Variants in ATAD1 observed in about 807,000 individuals in gnomAD.
The protein encoded by ATAD1 is ATPase family AAA domain containing 1.
A neutral mutation model predicts 42.7 loss-of-function variants in ATAD1; 18 were observed. That is an observed-to-expected ratio of 0.42 (90% CI 0.29 to 0.63). The LOEUF is 0.63. Ranked by LOEUF, ATAD1 falls within the 20% of genes least tolerant of loss-of-function variation. The pLI, the probability that ATAD1 is intolerant of heterozygous loss-of-function variation, is 0.19. For missense variants in ATAD1, 294 were observed against 440.4 expected (o/e 0.67, Z 2.98); for synonymous variants, 132 against 143.1 (o/e 0.92, Z 0.55).
chr10:87,780,508 A>AT (rs1398484040), intron 5 of ATAD1, among the ~76,000 whole-genome samples: 5 of 152,170 alleles, frequency 3.3e-5, no homozygotes, highest in Non-Finnish European at 7.3e-5. Flanking sequence ...GAGAAACTAT[A>AT]TATCTGGGGG....
chr10:87,795,204 A>C (rs1564764940), intron 2 of ATAD1, among the ~76,000 whole-genome samples: 1 of 152,156 alleles, frequency 6.6e-6, no homozygotes, highest in Non-Finnish European at 1.5e-5. Flanking sequence ...CTGAAACACT[A>C]ATACTCTTCA....
intron 1 of ATAD1, chr10:87,817,935 C>CCTAAGGG (rs1246146132): frequency 3.0e-6 from 3 of 985,470 alleles, no homozygotes; most frequent in Non-Finnish European, 3.6e-6. Flanking sequence ...CTAAGCAGAC[C>CCTAAGGG]CTAAGGGCCC....
intron 1 of ATAD1, among the ~76,000 whole-genome samples, chr10:87,836,940 C>T (rs1423594887): frequency 1.3e-5 from 2 of 152,174 alleles, no homozygotes; most frequent in Non-Finnish European, 2.9e-5. Flanking sequence ...ACTGTTTCCT[C>T]TCTCATCTCC....
rs1237440005 is a variant in ATAD1 at position 87,784,466 on chromosome 10, A to G, written c.583+4T>C. On this transcript the variant is annotated splice_donor_region_variant and intron_variant, in intron 5 of 9. Transcript: ENST00000680024. ...AAAATACTCATATAGAAAACATAGCATACCTATTTCATCTATAAAGATGAT... is the reference window on the plus strand; with the variant it reads ...AAAATACTCATATAGAAAACATAGCGTACCTATTTCATCTATAAAGATGAT... 1.9e-6 allele frequency: 3 copies of G among 1,612,164 alleles called. No homozygotes were observed. Among genetic ancestry groups the G allele is most frequent in the Non-Finnish European group, 2.5e-6 (3 of 1,178,974 alleles).
At chr10:87,778,186 A>G (rs1460491622) in intron 5 of ATAD1, among the ~76,000 whole-genome samples, 1 of 150,078 alleles carries the variant, frequency 6.7e-6, no homozygotes, top group East Asian at 1.9e-4. Flanking sequence ...ATTAAAAAAA[A>G]AAAAAAAAAA....
intron 2 of ATAD1, among the ~76,000 whole-genome samples, chr10:87,809,583 T>C (rs1857083660): frequency 6.6e-6 from 1 of 152,012 alleles, no homozygotes; most frequent in Middle Eastern, 3.4e-3. Flanking sequence ...AAACACGTTG[T>C]TTGTTGTTCA....
intron 8 of ATAD1, among the ~76,000 whole-genome samples, chr10:87,765,580 CAA>C (rs1171233931): frequency 6.6e-6 from 1 of 151,944 alleles, no homozygotes; most frequent in Non-Finnish European, 1.5e-5. Context: ...CTCCATAATA[CAA>C]AGAGTTCCTA....
upstream of ATAD1, among the ~76,000 whole-genome samples, chr10:87,820,124 A>G (rs957959433): frequency 6.6e-6 from 1 of 152,132 alleles, no homozygotes; most frequent in African/African-American, 2.4e-5. Context: ...CAAAAAACAG[A>G]GGCTATCAGT....
At chr10:87,798,257 C>T (rs1856494684) in intron 2 of ATAD1, among the ~76,000 whole-genome samples, 1 of 152,154 alleles carries the variant, frequency 6.6e-6, no homozygotes, top group Non-Finnish European at 1.5e-5. Flanking sequence ...AACCCTAGGC[C>T]ACAGCTCAGT....
At chr10:87,773,478 A>T (rs1272337897) in intron 6 of ATAD1, among the ~76,000 whole-genome samples, 3 of 152,236 alleles carry the variant, frequency 2.0e-5, no homozygotes, top group Non-Finnish European at 4.4e-5. Flanking sequence ...TAACTGGTTC[A>T]TATGAAAGTA....
chr10:87,812,464 T>A (rs1857229081), intron 2 of ATAD1, among the ~76,000 whole-genome samples: 1 of 152,150 alleles, frequency 6.6e-6, no homozygotes, highest in African/African-American at 2.4e-5. Context: ...GGTTTCACCA[T>A]GTTGGCCAGG....
At chr10:87,761,610 T>C (rs1009124950) in intron 8 of ATAD1, among the ~76,000 whole-genome samples, 1 of 152,038 alleles carries the variant, frequency 6.6e-6, no homozygotes, top group Admixed American at 6.5e-5. Flanking sequence ...TGAGCTGAGA[T>C]TGTGCCACTG....
chr10:87,818,072 T>C (rs1857511311), intron 1 of ATAD1, 95 bp downstream of exon 1: 2 of 985,654 alleles, frequency 2.0e-6, no homozygotes, highest in Non-Finnish European at 2.4e-6. Flanking sequence ...GGGTGACCTT[T>C]CCTCCGGGGG....
At chr10:87,798,882 T>C (rs1856544950) in intron 2 of ATAD1, among the ~76,000 whole-genome samples, 2 of 152,050 alleles carry the variant, frequency 1.3e-5, no homozygotes, top group Admixed American at 1.3e-4. Flanking sequence ...AAGTCTATGG[T>C]AGGAAAATAA....
intron 7 of ATAD1, among the ~76,000 whole-genome samples, chr10:87,768,281 A>G (rs1854861036): frequency 6.6e-6 from 1 of 152,188 alleles, no homozygotes; most frequent in Non-Finnish European, 1.5e-5. Context: ...AACTACATTT[A>G]GCTCCTTTTA....
chr10:87,781,838 G>A (rs1181565962), intron 5 of ATAD1, among the ~76,000 whole-genome samples: 8 of 151,992 alleles, frequency 5.3e-5, no homozygotes, highest in Non-Finnish European at 7.4e-5. Context: ...TAGATATGGG[G>A]TCTTACATGT....
intron 2 of ATAD1, among the ~76,000 whole-genome samples, chr10:87,796,890 A>G (rs1429600323): frequency 6.6e-6 from 1 of 152,210 alleles, no homozygotes; most frequent in African/African-American, 2.4e-5. Context: ...TTATTTTGCA[A>G]TACAACTCCC....
At chr10:87,819,264 A>C, upstream of ATAD1, 1 of 32,526 alleles carries the variant, frequency 3.1e-5, no homozygotes, top group East Asian at 1.3e-3. Flanking sequence ...TCGTCTCTAC[A>C]AAAAAAAAAA....
chr10:87,790,411 G>C lies in ATAD1; in HGVS notation c.281C>G (p.Ala94Gly). Residue 94 changes from alanine (A) to glycine (G), a missense_variant, in exon 4 of 10, where the codon GCA becomes GGA. Transcript: ENST00000680024. ...LNMHVTWSDI[A>G]GLDDVITDLK... is the part of the protein sequence containing the mutation. ...ATCCGTAATGACATCATCTAAACCT[G>C]CTATATCACTCCAAGTAACCTGGCA... 2 of 1,608,936 alleles carry C rather than the reference G, an allele frequency of 1.2e-6. No homozygotes were observed. Among genetic ancestry groups the C allele is most frequent in the Non-Finnish European group, 1.7e-6 (2 of 1,178,982 alleles).
Sources: gnomAD v4.1 joint callset for allele counts (sites outside exome capture counted in the v4.1 genomes callset) on GRCh38, gnomAD v4.1.1 for gene constraint, MANE v1.5 for transcripts, NCBI Gene and HGNC (gene_info 2026-07-23, HGNC 2026-07-21) for gene names.